The following KITLG variants were observed in gnomAD, a reference collection of about 807,000 sequenced individuals.
KITLG encodes KIT ligand.
A neutral mutation model predicts 34.1 loss-of-function variants in KITLG; 13 were observed. That is an observed-to-expected ratio of 0.38 (90% confidence interval 0.25 to 0.61). The LOEUF (loss-of-function observed/expected upper bound fraction) is 0.61. Among genes scored for constraint, KITLG ranks in the 20% least tolerant of loss-of-function variants. KITLG has a pLI of 0.60. For synonymous variants in KITLG, 110 were observed against 104.0 expected, an observed-to-expected ratio of 1.06 and a Z score of -0.35; for missense variants, 292 against 318.9, an observed-to-expected ratio of 0.92 and a Z score of 0.64.
intron 1 of KITLG, among the ~76,000 whole-genome samples, chr12:88,551,906 T>C (rs1373157028): frequency 1.3e-5 from 2 of 152,096 alleles, no homozygotes; most frequent in Non-Finnish European, 2.9e-5. Flanking sequence ...TCCTTAAAAA[T>C]GGAGACTATT....
intron 1 of KITLG, among the ~76,000 whole-genome samples, chr12:88,561,685 G>A (rs1056799266): frequency 6.6e-6 from 1 of 152,138 alleles, no homozygotes; most frequent in Non-Finnish European, 1.5e-5. Context: ...GGCCTACAGA[G>A]ACCTTCGGAA....
chr12:88,538,867 T>TA (rs1046854136), intron 2 of KITLG, among the ~76,000 whole-genome samples: 148 of 152,214 alleles, frequency 9.7e-4, no homozygotes, highest in African/African-American at 3.3e-3. Context: ...GATTGTAAAA[T>TA]AAAAAACTGC....
intron 1 of KITLG, among the ~76,000 whole-genome samples, chr12:88,547,636 G>A (rs1450286862): frequency 6.6e-6 from 1 of 152,058 alleles, no homozygotes; most frequent in Non-Finnish European, 1.5e-5. Flanking sequence ...TAACCTCCCT[G>A]GAAATATATT....
intron 9 of KITLG, among the ~76,000 whole-genome samples, chr12:88,498,426 C>T (rs999357528): frequency 1.3e-5 from 2 of 151,722 alleles, no homozygotes; most frequent in South Asian, 2.1e-4. Context: ...AAATCTAGAA[C>T]AAAAATTAAG....
chr12:88,580,242 C>T (rs1592593733), intron 1 of KITLG, 22 bp downstream of exon 1: 1 of 1,603,972 alleles, frequency 6.2e-7, no homozygotes, highest in Non-Finnish European at 8.5e-7. Context: ...AGCCTGGGAG[C>T]TCCCGGGCGC....
intron 1 of KITLG, among the ~76,000 whole-genome samples, chr12:88,560,248 TAACTA>T (rs1474228065): frequency 6.6e-6 from 1 of 152,230 alleles, no homozygotes; most frequent in Non-Finnish European, 1.5e-5. Context: ...AGTTAATAGT[TAACTA>T]TAGCTAGTTC....
In KITLG at chr12:88,496,912, G is replaced by A. The variant is rs148769755; in HGVS notation, c.*307C>T. The A allele has an allele frequency of 1.4e-3, 245 of 174,388 alleles. 2 individuals carry two copies. Among genetic ancestry groups the A allele is most frequent in the African/African-American group, 5.2e-3 (218 of 41,882 alleles). The allele number at this position is 174,388 out of a possible 1,614,324, so 10.8% of individuals were successfully genotyped here. A position where few individuals can be genotyped will look rare whatever the true frequency, so the allele number is the denominator to read the frequency against. ...AAATGGTACATGCAGTCTGAGACAC[G>A]TGCTTTCTCTTCCAACATCAGCTGC... On this transcript the variant is annotated 3_prime_UTR_variant, in exon 10 of 10. Coordinates refer to ENST00000644744, the MANE Select transcript of KITLG (RefSeq NM_000899.5).
chr12:88,567,626 T>C (rs980038707), intron 1 of KITLG, among the ~76,000 whole-genome samples: 1 of 152,216 alleles, frequency 6.6e-6, no homozygotes, highest in Non-Finnish European at 1.5e-5. Flanking sequence ...AAACTGTTGA[T>C]TCTATAAAGT....
At chr12:88,580,121 C>T in intron 1 of KITLG, 143 bp downstream of exon 1, 1 of 872,502 alleles carries the variant, frequency 1.1e-6, no homozygotes, top group East Asian at 2.7e-5. Context: ...ACCACGCCGG[C>T]CTCCCCCGCA....
chr12:88,507,330 G>A (rs1388949540), intron 6 of KITLG, among the ~76,000 whole-genome samples, 193 bp from the exon 7 acceptor site: 1 of 152,158 alleles, frequency 6.6e-6, no homozygotes, highest in Admixed American at 6.5e-5. Context: ...TCCAAAAGAT[G>A]AATGCATTAA....
intron 7 of KITLG, among the ~76,000 whole-genome samples, chr12:88,506,706 T>C (rs898819327): frequency 6.6e-6 from 1 of 152,112 alleles, no homozygotes; most frequent in African/African-American, 2.4e-5. Context: ...AACAAAAGAG[T>C]AGAAATCCAA....
intron 1 of KITLG, among the ~76,000 whole-genome samples, chr12:88,550,278 C>G (rs1210523511): frequency 6.6e-6 from 1 of 152,048 alleles, no homozygotes; most frequent in Admixed American, 6.6e-5. Flanking sequence ...GGTTGAAATA[C>G]CAGAATGAGT....
intron 3 of KITLG, among the ~76,000 whole-genome samples, chr12:88,522,300 T>C (rs1241888623): frequency 6.6e-6 from 1 of 152,146 alleles, no homozygotes; most frequent in Non-Finnish European, 1.5e-5. Context: ...TTTAAAATCA[T>C]CCTGGAGACT....
rs1061981 is a variant in KITLG at position 88,493,512 on chromosome 12, T to C, written c.*3707A>G. The C allele has an allele frequency of 0.66, 100,376 of 151,932 alleles. 37,165 individuals carry two copies. Among genetic ancestry groups the C allele is most frequent in the Middle Eastern group, 0.85 (249 of 294 alleles). 9.4% of individuals were successfully genotyped at this position (151,932 alleles called of 1,614,324 possible). A position where few individuals can be genotyped will look rare whatever the true frequency, so the allele number is the denominator to read the frequency against. ...AAATGAGCTAATTAGAATTTCAATC[T>C]GAATGGTTTTATTTTAAAGCCAATT... On this transcript the variant is annotated 3_prime_UTR_variant, in exon 10 of 10. Coordinates refer to ENST00000644744, the MANE Select transcript of KITLG (RefSeq NM_000899.5).
chr12:88,501,045 A>G (rs1191323711), intron 9 of KITLG, among the ~76,000 whole-genome samples: 1 of 152,096 alleles, frequency 6.6e-6, no homozygotes, highest in Non-Finnish European at 1.5e-5. Flanking sequence ...CCCCCAAGGT[A>G]CTGGGATTAC....
chr12:88,563,069 T>G (rs962453800), intron 1 of KITLG, among the ~76,000 whole-genome samples: 2 of 152,324 alleles, frequency 1.3e-5, no homozygotes, highest in South Asian at 2.1e-4. Flanking sequence ...TATTTAGAAT[T>G]TATTGTAATA....
At position 88,560,917 on chromosome 12, in the gene KITLG, G is replaced by A. The variant is rs56141457; in HGVS notation, c.16-15052C>T. On this transcript the variant is annotated intron_variant, in intron 1 of 9. Coordinates refer to ENST00000644744, the MANE Select transcript of KITLG (RefSeq NM_000899.5). ...TGGGAGGCGGAGGTTGCGGTGAGCC[G>A]AGATCGCACCACTGCACTCAAGCCT... Among the ~76,000 whole-genome samples the A allele has an allele frequency of 2.2e-3, 303 of 137,040 alleles. 2 individuals carry two copies. The highest frequency in any genetic ancestry group is 8.0e-3 in the African/African-American group (292 of 36,642). The allele number at this position is 137,040 out of a possible 152,430, so 89.9% of individuals were successfully genotyped here. A position where few individuals can be genotyped will look rare whatever the true frequency, so the allele number is the denominator to read the frequency against.
intron 3 of KITLG, among the ~76,000 whole-genome samples, chr12:88,523,934 C>G (rs1232423398): frequency 1.3e-5 from 2 of 152,208 alleles, no homozygotes; most frequent in Non-Finnish European, 2.9e-5. Flanking sequence ...CCAAAGCACT[C>G]TAAATATGTG....
At chr12:88,532,902 C>T (rs765326460) in intron 2 of KITLG, among the ~76,000 whole-genome samples, 5 of 152,066 alleles carry the variant, frequency 3.3e-5, no homozygotes, top group African/African-American at 4.8e-5. Flanking sequence ...ATGTGGACCT[C>T]AAAGTGATGT....
Sources: gnomAD v4.1 joint callset for allele counts (sites outside exome capture counted in the v4.1 genomes callset) on GRCh38, gnomAD v4.1.1 for gene constraint, MANE v1.5 for transcripts, NCBI Gene and HGNC (gene_info 2026-07-23, HGNC 2026-07-21) for gene names.